Variants in MCF2L observed in about 807,000 individuals in gnomAD.
MCF2L encodes MCF.2 cell line derived transforming sequence like.
Under a neutral mutation model 153.4 loss-of-function variants are expected in MCF2L, and 97 were observed. The observed-to-expected ratio is 0.63, with a 90% confidence interval of 0.54 to 0.75. The LOEUF (loss-of-function observed/expected upper bound fraction) is 0.75, where lower values mean the gene tolerates loss of function less well. Ranked by LOEUF, MCF2L falls within the 30% of genes least tolerant of loss-of-function variation. MCF2L has a pLI of 0.00. For synonymous variants in MCF2L, 659 were observed against 632.2 expected, an observed-to-expected ratio of 1.04 and a Z score of -0.64; for missense variants, 1,347 against 1,495.2, an observed-to-expected ratio of 0.90 and a Z score of 1.64.
chr13:112,980,345 C>T (rs528574126), intron 1 of MCF2L, among the ~76,000 whole-genome samples: 1 of 152,392 alleles, frequency 6.6e-6, no homozygotes, highest in South Asian at 2.1e-4. Context: ...GATTTCCGCT[C>T]CATCCTGCCC....
intron 2 of MCF2L, among the ~76,000 whole-genome samples, chr13:112,938,863 G>A (rs1003595181): frequency 1.3e-5 from 2 of 151,848 alleles, no homozygotes; most frequent in Non-Finnish European, 2.9e-5. Context: ...CAGGGCCAGC[G>A]CAGGGGGTGG....
At chr13:113,067,288 C>T (rs1267984163) in intron 8 of MCF2L, among the ~76,000 whole-genome samples, 4 of 137,964 alleles carry the variant, frequency 2.9e-5, no homozygotes, top group African/African-American at 5.6e-5. Flanking sequence ...AGGCAGAGGT[C>T]GCAGTGAGCC....
intron 4 of MCF2L, among the ~76,000 whole-genome samples, chr13:113,048,746 G>C (rs1181418692): frequency 6.6e-6 from 1 of 152,176 alleles, no homozygotes; most frequent in African/African-American, 2.4e-5. Context: ...CCGGCTTATG[G>C]TCATATTAAT....
At chr13:112,895,156 C>T (rs1013765621) in intron 1 of MCF2L, among the ~76,000 whole-genome samples, 7 of 152,146 alleles carry the variant, frequency 4.6e-5, no homozygotes, top group Non-Finnish European at 8.8e-5. Context: ...AGCTGTGGGC[C>T]CCTGGCCTTG....
At chr13:113,044,889 G>A (rs770429292) in intron 3 of MCF2L, 3 of 1,612,926 alleles carry the variant, frequency 1.9e-6, no homozygotes, top group Admixed American at 1.7e-5. Context: ...CCGGCGTGAT[G>A]TATGCGCCAT....
At chr13:113,025,256 C>T (rs796213450) in intron 3 of MCF2L, among the ~76,000 whole-genome samples, 2 of 70,940 alleles carry the variant, frequency 2.8e-5, no homozygotes, top group African/African-American at 1.1e-4. Flanking sequence ...ATTTCCCCGT[C>T]ATGGGGTCCC....
intron 1 of MCF2L, among the ~76,000 whole-genome samples, chr13:112,897,680 C>A (rs375395737): frequency 6.6e-6 from 1 of 152,206 alleles, no homozygotes; most frequent in African/African-American, 2.4e-5. Flanking sequence ...AGAGGGTAAC[C>A]GTGTTTTCTT....
chr13:113,076,082 C>A lies in MCF2L; in HGVS notation c.1425C>A (p.Thr475=). The A allele has an allele frequency of 6.2e-7, 1 of 1,613,956 alleles. No individual in the cohort carries two copies. Among genetic ancestry groups the A allele is most frequent in the African/African-American group, 1.3e-5 (1 of 75,014 alleles). ...AGGAAATCGAGAAGTTTTTGGAGACCGGTGCGGAAAATAAGATCCAGGAGC... is the reference window on the plus strand; with the variant it reads ...AGGAAATCGAGAAGTTTTTGGAGACAGGTGCGGAAAATAAGATCCAGGAGC... ...ALQEIEKFLE[T]GAENKIQELN... Residue 475 remains threonine (T), a synonymous_variant, in exon 12 of 30, where the codon ACC becomes ACA. Transcript: ENST00000535094.
chr13:113,078,852 T>C (rs1321949487), intron 15 of MCF2L, 113 bp downstream of exon 15: 1 of 979,766 alleles, frequency 1.0e-6, no homozygotes, highest in Non-Finnish European at 1.5e-6. Flanking sequence ...GGTGCAGAAG[T>C]CATTGTGGTT....
intron 2 of MCF2L, among the ~76,000 whole-genome samples, chr13:112,963,734 C>T (rs939550493): frequency 3.3e-5 from 5 of 152,190 alleles, no homozygotes; most frequent in Non-Finnish European, 4.4e-5. Context: ...CAGATGGAGT[C>T]GCCCTGGAGT....
rs535383869 is a variant in MCF2L, at chr13:112,983,719, G to A, written c.79+14261G>A. On this transcript the variant is annotated intron_variant, in intron 1 of 29. Coordinates refer to ENST00000535094, the MANE Select transcript of MCF2L (RefSeq NM_001112732.3). The surrounding 1 kb of genome is among the most constrained non-coding windows in gnomAD (Gnocchi z 4.0). Reference sequence around the variant, plus strand: ...CAGTGCTCTGACGCACTGTGGCCCCGGGGAAGCGTGGTGTCTGCAGCCTCC... The same window carrying A: ...CAGTGCTCTGACGCACTGTGGCCCCAGGGAAGCGTGGTGTCTGCAGCCTCC... 1.6e-4 allele frequency among the ~76,000 whole-genome samples: 24 copies of A among 152,312 alleles called. No individual in the cohort carries two copies. The highest frequency in any genetic ancestry group is 4.6e-4 in the African/African-American group (19 of 41,566).
intron 2 of MCF2L, among the ~76,000 whole-genome samples, chr13:112,915,399 ACT>A (rs1157455712): frequency 8.4e-5 from 9 of 106,864 alleles, no homozygotes; most frequent in South Asian, 6.5e-4. Context: ...ACAGAGCAAG[ACT>A]CTGTCTCACA....
intron 4 of MCF2L, among the ~76,000 whole-genome samples, chr13:113,056,595 T>G (rs1048056300): frequency 6.9e-6 from 1 of 144,826 alleles, no homozygotes; most frequent in African/African-American, 2.6e-5. Flanking sequence ...GTTTGGGTGC[T>G]GAGTGTTTTG....
intron 2 of MCF2L, among the ~76,000 whole-genome samples, chr13:113,022,778 G>A (rs553647291): frequency 6.6e-6 from 1 of 152,374 alleles, no homozygotes; most frequent in African/African-American, 2.4e-5. Flanking sequence ...CCACCGCGGC[G>A]GCGGCTGAGG....
chr13:112,964,283 A>G (rs2081867692), upstream of MCF2L, among the ~76,000 whole-genome samples: 1 of 152,222 alleles, frequency 6.6e-6, no homozygotes, highest in Non-Finnish European at 1.5e-5. Context: ...AGGTCTCCCC[A>G]CCATGCAGAA....
At chr13:113,051,013 T>G (rs892591494) in intron 4 of MCF2L, among the ~76,000 whole-genome samples, 2 of 151,260 alleles carry the variant, frequency 1.3e-5, no homozygotes, top group South Asian at 4.2e-4. Context: ...GCTGCATAAC[T>G]GCGGCGACAC....
intron 1 of MCF2L, among the ~76,000 whole-genome samples, chr13:112,996,968 G>A (rs769283981): frequency 3.9e-5 from 6 of 152,206 alleles, no homozygotes; most frequent in Admixed American, 1.3e-4. Flanking sequence ...TCCCGCCCTC[G>A]CTATCTCAGG....
intron 3 of MCF2L, among the ~76,000 whole-genome samples, chr13:113,032,039 T>C (rs185951310): frequency 3.6e-4 from 55 of 152,294 alleles, no homozygotes; most frequent in African/African-American, 1.3e-3. Flanking sequence ...GCACAGTTTG[T>C]GTGGTGTATG....
intron 4 of MCF2L, among the ~76,000 whole-genome samples, chr13:113,057,603 GTGTT>G (rs199637640): frequency 0.013 from 1,822 of 141,938 alleles, 43 homozygotes; most frequent in African/African-American, 0.045. Flanking sequence ...TGGGTGCTGT[GTGTT>G]TGAGTGCTGT....
Sources: allele counts gnomAD v4.1 joint callset (sites outside exome capture counted in the v4.1 genomes callset), GRCh38; gene constraint gnomAD v4.1.1; non-coding constraint Gnocchi (gnomAD v3.1); transcripts MANE v1.5; gene names NCBI Gene and HGNC (gene_info 2026-07-23, HGNC 2026-07-21).